The following PPP6R1 variants were observed in gnomAD, a reference collection of about 807,000 sequenced individuals.
The protein encoded by PPP6R1 is serine/threonine-protein phosphatase 6 regulatory subunit 1.
Under a neutral mutation model 104.6 loss-of-function variants are expected in PPP6R1, and 39 were observed. The observed-to-expected ratio is 0.37, with a 90% CI of 0.29 to 0.49. The LOEUF (loss-of-function observed/expected upper bound fraction) is 0.49. PPP6R1 is among the 20% of genes least tolerant of loss of function. The pLI is 0.98. For synonymous variants in PPP6R1, 549 were observed against 479.0 expected, an observed-to-expected ratio of 1.15 and a Z score of -1.91; for missense variants, 1,181 against 1,155.8, an observed-to-expected ratio of 1.02 and a Z score of -0.32.
intron 10 of PPP6R1, 23 bp downstream of exon 10, chr19:55,240,922 G>C (rs1169887440): frequency 6.2e-7 from 1 of 1,600,824 alleles, no homozygotes; most frequent in Non-Finnish European, 8.5e-7. Flanking sequence ...CAGAAGGAGG[G>C]GGACCAGGGA....
intron 1 of PPP6R1, among the ~76,000 whole-genome samples, chr19:55,253,408 C>T (rs2087568730): frequency 6.6e-6 from 1 of 152,206 alleles, no homozygotes; most frequent in Non-Finnish European, 1.5e-5. Flanking sequence ...AAACCCCCTA[C>T]CCCTGGTACA....
rs541794012 is a variant in PPP6R1 at position 55,241,794 on chromosome 19, T to C, written c.846-155A>G. Among the ~76,000 whole-genome samples the C allele has an allele frequency of 9.5e-4, 145 of 152,244 alleles. No homozygotes were observed. Among genetic ancestry groups the C allele is most frequent in the African/African-American group, 3.4e-3 (142 of 41,564 alleles). ...CTTCTGAGGCCCTTCAGACAACACCTGGCTGGGGTGGGGAGCCCGCCAGGC... is the reference window on the plus strand; with the variant it reads ...CTTCTGAGGCCCTTCAGACAACACCCGGCTGGGGTGGGGAGCCCGCCAGGC... On this transcript the variant is annotated intron_variant, in intron 7 of 23. Coordinates refer to ENST00000412770, the MANE Select transcript of PPP6R1 (RefSeq NM_014931.4). This position sits in a 1 kb window ranked among gnomAD's most constrained non-coding sequence, Gnocchi z 5.4.
At chr19:55,234,758 T>C (rs116776177) in intron 17 of PPP6R1, among the ~76,000 whole-genome samples, 2,099 of 152,230 alleles carry the variant, frequency 0.014, 50 homozygotes, top group African/African-American at 0.049. Context: ...ACTGCCCCAC[T>C]GCACGAGAGC....
At chr19:55,257,580 G>C (rs1230340148) in intron 1 of PPP6R1, among the ~76,000 whole-genome samples, 1 of 148,200 alleles carries the variant, frequency 6.7e-6, no homozygotes, top group African/African-American at 2.6e-5. Flanking sequence ...TTCCCCCCCC[G>C]GAAGGCCCTT....
At chr19:55,250,535 C>T (rs974054503) in intron 1 of PPP6R1, among the ~76,000 whole-genome samples, 7 of 152,158 alleles carry the variant, frequency 4.6e-5, no homozygotes, top group Non-Finnish European at 8.8e-5. Context: ...CATTTCCAGG[C>T]CCACCCTGAA....
At chr19:55,235,709 G>A (rs187925001) in intron 17 of PPP6R1, among the ~76,000 whole-genome samples, 21 of 151,728 alleles carry the variant, frequency 1.4e-4, no homozygotes, top group African/African-American at 2.4e-4. Flanking sequence ...TAGTAGAGAC[G>A]GGGTTTCACC....
Position 55,245,399 on chromosome 19 carries a change from C to A in PPP6R1, c.418G>T (p.Val140Leu). 6.2e-7 allele frequency: 1 copy of A among 1,613,518 alleles called. No individual in the cohort carries two copies. The highest frequency in any genetic ancestry group is 8.5e-7 in the Non-Finnish European group (1 of 1,179,760). The change falls in exon 4 of 24, where the codon GTG becomes TTG. Residue 140 changes from valine to leucine, a missense_variant. Coordinates refer to ENST00000412770, the MANE Select transcript of PPP6R1 (RefSeq NM_014931.4). This position sits in a 1 kb window ranked among gnomAD's most constrained non-coding sequence, Gnocchi z 6.4. ...TCATCCTTCTTCCGAAGAAAGGACACGAGCTGGGGGCACACGGGCTGCGTC... is the reference window on the plus strand; with the variant it reads ...TCATCCTTCTTCCGAAGAAAGGACAAGAGCTGGGGGCACACGGGCTGCGTC... ...ILINRKTDQL[V>L]SFLRKKDDFV... is the part of the protein sequence containing the mutation.
chr19:55,251,281 T>C (rs967070936), intron 1 of PPP6R1, among the ~76,000 whole-genome samples: 41 of 152,284 alleles, frequency 2.7e-4, no homozygotes, highest in African/African-American at 9.4e-4. Flanking sequence ...TAGGTTACCA[T>C]GGGCACCTGA....
chr19:55,241,503 G>A lies in PPP6R1; in HGVS notation c.982C>T (p.His328Tyr), dbSNP rs1462326613. ...HALRPRLSCF[H>Y]QLLLEPPKLE... ...TTGGGAGGCTCCAGCAGGAGCTGGT[G>A]GAAGCAGCTGAGCCGCGGGCGTAGG... The change falls in exon 8 of 24, where the codon CAC (histidine) becomes TAC (tyrosine). Residue 328 changes from histidine to tyrosine, a missense_variant. Coordinates refer to ENST00000412770, the MANE Select transcript of PPP6R1 (RefSeq NM_014931.4). The surrounding 1 kb of genome is among the most constrained non-coding windows in gnomAD (Gnocchi z 5.4). The A allele has an allele frequency of 4.4e-6, 7 of 1,597,848 alleles. No individual in the cohort carries two copies. Among genetic ancestry groups the A allele is most frequent in the Admixed American group, 3.5e-5 (2 of 57,386 alleles).
At chr19:55,256,520 C>T (rs946631029) in intron 1 of PPP6R1, among the ~76,000 whole-genome samples, 13 of 152,216 alleles carry the variant, frequency 8.5e-5, no homozygotes, top group African/African-American at 2.9e-4. Context: ...AAATAATAAT[C>T]GAAAGAACGG....
In PPP6R1 at chr19:55,230,401, A is replaced by G. The variant is rs2087329107; in HGVS notation, c.*127T>C. 2 of 1,401,460 alleles carry G rather than the reference A, an allele frequency of 1.4e-6. No homozygotes were observed. Among genetic ancestry groups the G allele is most frequent in the South Asian group, 1.3e-5 (1 of 79,292 alleles). 86.8% of individuals were successfully genotyped at this position (1,401,460 alleles called of 1,614,324 possible). A position where few individuals can be genotyped will look rare whatever the true frequency, so the allele number is the denominator to read the frequency against. On this transcript the variant is annotated 3_prime_UTR_variant, in exon 24 of 24. Coordinates refer to ENST00000412770, the MANE Select transcript of PPP6R1 (RefSeq NM_014931.4). ...CCTGGCACCAGCCTCCTGGGGGTCC[A>G]GAGGAGAGAATGTGGGGGTGTCAGG...
chr19:55,250,728 A>C (rs2087546375), intron 1 of PPP6R1, among the ~76,000 whole-genome samples: 1 of 152,092 alleles, frequency 6.6e-6, no homozygotes, highest in South Asian at 2.1e-4. Flanking sequence ...CCAGAAATCT[A>C]GGGACTTATC....
In PPP6R1 at chr19:55,241,354, G is replaced by A. The variant is rs200094547; in HGVS notation, c.1046C>T (p.Pro349Leu). ...GTGCAGCCGCGTGTTGCCCAGAGGC[G>A]GAGCCAGCATGCCCCATGTCATCTG... ...PLQMTWGMLA[P>L]PLGNTRLHVV... The change falls in exon 9 of 24, where the codon CCG becomes CTG. Residue 349 changes from proline to leucine, a missense_variant. By Grantham distance (98) the Pro-to-Leu change is moderately conservative. Around this residue, in one of 2 missense-constraint regions of PPP6R1, gnomAD observed 1,042 missense variants for 955.6 expected, o/e 1.09. Coordinates refer to ENST00000412770, the MANE Select transcript of PPP6R1 (RefSeq NM_014931.4). This position sits in a 1 kb window ranked among gnomAD's most constrained non-coding sequence, Gnocchi z 5.4. 1.4e-5 allele frequency: 22 copies of A among 1,611,586 alleles called. No individual in the cohort carries two copies. The highest frequency in any genetic ancestry group is 1.3e-4 in the East Asian group (6 of 44,870).
rs768544873 is a variant in PPP6R1 at position 55,230,520 on chromosome 19, C to T, written c.*8G>A. ...GGAAGATTTGGCCGCCGCTGCCGCA[C>T]CAGGCAGCTATCTGGAAACAGAGGG... On this transcript the variant is annotated 3_prime_UTR_variant, in exon 24 of 24. Transcript: ENST00000412770. The T allele has an allele frequency of 6.8e-6, 11 of 1,613,350 alleles. No individual in the cohort carries two copies. The Admixed American group carries it at 1.8e-4, about 27-fold the overall frequency.
chr19:55,239,587 C>T lies in PPP6R1; in HGVS notation c.1653+7G>A, dbSNP rs776143754. On this transcript the variant is annotated splice_region_variant and intron_variant, in intron 14 of 23. Transcript: ENST00000412770. ...CCCAGCACAGCCCCACATAGCCCCA[C>T]GCCCACCTGCTGCAGCACAGCCTCC... is the stretch of plus-strand genomic sequence containing the variant. The T allele has an allele frequency of 1.1e-5, 18 of 1,610,282 alleles. No homozygotes were observed. The highest frequency in any genetic ancestry group is 6.7e-5 in the Admixed American group (4 of 59,538).
In PPP6R1 at chr19:55,240,057, G is replaced by C; in HGVS notation, c.1419C>G (p.Ala473=). The change falls in exon 12 of 24, where the codon GCC becomes GCG. Residue 473 remains alanine, a synonymous_variant. Coordinates refer to ENST00000412770, the MANE Select transcript of PPP6R1 (RefSeq NM_014931.4). ...YMGHLTRVAG[A]LVQNTEKGPN... ...GCCCCTTCTCCGTGTTCTGCACCAG[G>C]GCACCGGCCACTCTTGTCAGGTGAC... is the stretch of plus-strand genomic sequence containing the variant. The C allele has an allele frequency of 6.2e-7, 1 of 1,602,814 alleles. No individual in the cohort carries two copies. The highest frequency in any genetic ancestry group is 8.5e-7 in the Non-Finnish European group (1 of 1,176,312).
At chr19:55,246,585 G>A (rs184651319) in intron 2 of PPP6R1, among the ~76,000 whole-genome samples, 1 of 152,224 alleles carries the variant, frequency 6.6e-6, no homozygotes, top group Non-Finnish European at 1.5e-5. Flanking sequence ...GTCGTCACAT[G>A]CCTGTGGTCC....
chr19:55,250,942 C>G (rs1794381255), intron 1 of PPP6R1, among the ~76,000 whole-genome samples: 1 of 152,176 alleles, frequency 6.6e-6, no homozygotes, highest in Non-Finnish European at 1.5e-5. Flanking sequence ...GCCTGGGACC[C>G]TCAATGACCT....
Position 55,242,158 on chromosome 19 carries a change from T to C in PPP6R1, c.845+8A>G, listed in dbSNP as rs1387567242. The C allele has an allele frequency of 6.2e-7, 1 of 1,609,840 alleles. No homozygotes were observed. Among genetic ancestry groups the C allele is most frequent in the Non-Finnish European group, 8.5e-7 (1 of 1,178,786 alleles). ...CAGCATGCATGGTCTGTGGCCCGTA[T>C]CCCTCACCTCGGCCTCCTGGGCTCC... On this transcript the variant is annotated splice_region_variant and intron_variant, in intron 7 of 23. Transcript: ENST00000412770.
Sources: gnomAD v4.1 joint callset for allele counts (sites outside exome capture counted in the v4.1 genomes callset) on GRCh38, gnomAD v4.1.1 for gene constraint, gnomAD v4.1.1 regional missense constraint, Gnocchi (gnomAD v3.1) non-coding constraint, MANE v1.5 for transcripts, NCBI Gene and HGNC (gene_info 2026-07-23, HGNC 2026-07-21) for gene names.